KRABD1: variants seen among roughly 807,000 people sequenced by gnomAD.
KRABD1 encodes KRAB domain containing 1, also known as KRAB domain-containing protein 1.
chr3:42,936,403 G>C, the KRABD1 span: 1 of 152,200 alleles, frequency 6.6e-6, no homozygotes, highest in Non-Finnish European at 1.5e-5. Context: ...TCGGCGAGTG[G>C]CGCCCACCAT....
chr3:42,938,846 TCAGCACCTGAGAC>T, the KRABD1 span: 1 of 1,387,798 alleles, frequency 7.2e-7, no homozygotes, highest in Non-Finnish European at 9.8e-7. Flanking sequence ...TTCTTTACCT[TCAGCACCTGAGAC>T]TTTTACCTTT....
the KRABD1 span, among the ~76,000 whole-genome samples, chr3:42,939,472 A>G: frequency 6.6e-6 from 1 of 152,024 alleles, no homozygotes; most frequent in African/African-American, 2.4e-5. Context: ...TCTATTGTGG[A>G]TGGACTTTTG....
At chr3:42,938,412 C>T in the KRABD1 span, 1 of 152,432 alleles carries the variant, frequency 6.6e-6, no homozygotes, top group Non-Finnish European at 1.5e-5. Flanking sequence ...GAAAAACATG[C>T]TGAGGTCTTA....
chr3:42,938,653 A>C, the KRABD1 span: 1 of 380,690 alleles, frequency 2.6e-6, no homozygotes, highest in Non-Finnish European at 4.9e-6. Flanking sequence ...CTTTTTCATC[A>C]CTCATTCCGT....
At chr3:42,941,240 T>G in the KRABD1 span, 2 of 1,564,732 alleles carry the variant, frequency 1.3e-6, no homozygotes, top group Non-Finnish European at 1.7e-6. Context: ...CAGTGGCTTT[T>G]GAGGACGTGG....
At chr3:42,938,215 T>C in the KRABD1 span, 3 of 152,246 alleles carry the variant, frequency 2.0e-5, no homozygotes, top group African/African-American at 7.2e-5. Flanking sequence ...TCTTTTAATA[T>C]GGTAATGTTT....
At chr3:42,941,926 T>G in the KRABD1 span, 2 of 1,318,684 alleles carry the variant, frequency 1.5e-6, no homozygotes, top group African/African-American at 1.5e-5. Flanking sequence ...ACTATGCTCA[T>G]TATTGTGTTA....
the KRABD1 span, chr3:42,937,082 A>C: frequency 6.6e-6 from 1 of 152,208 alleles, no homozygotes; most frequent in African/African-American, 2.4e-5. Flanking sequence ...AGTGTTTAAC[A>C]TAGTTTCCTA....
At chr3:42,941,937 T>C in the KRABD1 span, 94 of 1,419,078 alleles carry the variant, frequency 6.6e-5, no homozygotes, top group Non-Finnish European at 8.1e-5. Context: ...TATTGTGTTA[T>C]GTTTTCTTCT....
At chr3:42,941,219 G>A in the KRABD1 span, 44 of 1,549,386 alleles carry the variant, frequency 2.8e-5, no homozygotes, top group South Asian at 2.8e-4. Flanking sequence ...GGAACTTGTC[G>A]TTTCAGGAAT....
chr3:42,938,866 CT>C, the KRABD1 span: 1 of 1,514,362 alleles, frequency 6.6e-7, no homozygotes, highest in Non-Finnish European at 8.9e-7. Flanking sequence ...AGACTTTTAC[CT>C]TTACCCAGAA....
At chr3:42,940,038 T>G in the KRABD1 span, among the ~76,000 whole-genome samples, 1 of 152,198 alleles carries the variant, frequency 6.6e-6, no homozygotes, top group Non-Finnish European at 1.5e-5. Context: ...TCAGTTTGTT[T>G]TGTATAAGAA....
At chr3:42,941,158 C>G in the KRABD1 span, 2 of 1,459,918 alleles carry the variant, frequency 1.4e-6, no homozygotes, top group Non-Finnish European at 1.8e-6. Flanking sequence ...CTTCTCAGGT[C>G]TCTCATTGGC....
the KRABD1 span, chr3:42,937,172 CTTTT>C: frequency 7.9e-5 from 12 of 152,134 alleles, no homozygotes; most frequent in Non-Finnish European, 1.5e-4. Context: ...ATTCTCTGAA[CTTTT>C]ACTCCACTGT....
the KRABD1 span, chr3:42,941,077 C>T: frequency 1.7e-6 from 1 of 587,708 alleles, no homozygotes; most frequent in Non-Finnish European, 2.7e-6. Context: ...TCCTCCACAC[C>T]TAAATTTTAC....
At chr3:42,939,088 G>A in the KRABD1 span, among the ~76,000 whole-genome samples, 2 of 151,796 alleles carry the variant, frequency 1.3e-5, no homozygotes, top group Non-Finnish European at 2.9e-5. Flanking sequence ...TTCTCATTGA[G>A]GTTTAACTTA....
At chr3:42,941,424 C>G in the KRABD1 span, 1 of 1,427,426 alleles carries the variant, frequency 7.0e-7, no homozygotes, top group Non-Finnish European at 9.3e-7. Flanking sequence ...TATTAGCTGA[C>G]CCCAAATAGC....
chr3:42,938,973 A>G, the KRABD1 span: 19 of 1,452,344 alleles, frequency 1.3e-5, no homozygotes, highest in Non-Finnish European at 1.6e-5. Context: ...CCCTGTGTGT[A>G]TATACATATG....
the KRABD1 span, chr3:42,942,000 A>G: frequency 7.8e-6 from 12 of 1,535,910 alleles, no homozygotes; most frequent in African/African-American, 1.4e-5. Context: ...CATCTGGAGC[A>G]AGGGAAAGAG....
Sources: allele counts gnomAD v4.1 joint callset (sites outside exome capture counted in the v4.1 genomes callset), GRCh38; gene constraint gnomAD v4.1.1; transcripts MANE v1.5; gene names NCBI Gene and HGNC (gene_info 2026-07-23, HGNC 2026-07-21).